The following CDC42BPB variants were observed in gnomAD, a reference collection of about 807,000 sequenced individuals.
CDC42BPB encodes the protein serine/threonine-protein kinase MRCK beta.
A neutral mutation model predicts 214.9 loss-of-function variants in CDC42BPB; 37 were observed. The observed-to-expected ratio is 0.17, with a 90% CI of 0.13 to 0.23. CDC42BPB has a LOEUF of 0.23. CDC42BPB is among the 10% of genes least tolerant of loss of function. The pLI, the probability that CDC42BPB is intolerant of heterozygous loss-of-function variation, is 1.00. For missense variants in CDC42BPB, 1,694 were observed against 2,227.0 expected (o/e 0.76, Z 4.82); for synonymous variants, 931 against 884.0 (o/e 1.05, Z -0.94).
At chr14:102,974,348 C>G (rs1893639387) in intron 11 of CDC42BPB, 199 bp from the exon 12 acceptor site, 1 of 984,182 alleles carries the variant, frequency 1.0e-6, no homozygotes, top group East Asian at 1.1e-4. Flanking sequence ...ACCTGCATGC[C>G]TGTGCTGAAC....
chr14:103,012,603 G>A (rs1382734890), intron 1 of CDC42BPB, among the ~76,000 whole-genome samples: 3 of 152,160 alleles, frequency 2.0e-5, no homozygotes, highest in Non-Finnish European at 4.4e-5. Context: ...TCAAGAGTTC[G>A]AAACCAGTCA....
intron 1 of CDC42BPB, among the ~76,000 whole-genome samples, chr14:103,032,359 A>AT (rs35561125): frequency 1.8e-4 from 27 of 151,266 alleles, no homozygotes; most frequent in East Asian, 1.4e-3. Flanking sequence ...AGAAATGCCT[A>AT]TTTTTTTTTA....
In CDC42BPB at chr14:102,944,928, G is replaced by C. The variant is rs991087055; in HGVS notation, c.3812-441C>G. On this transcript the variant is annotated intron_variant, in intron 29 of 36. Transcript: ENST00000361246. The surrounding 1 kb of genome is among the most constrained non-coding windows in gnomAD (Gnocchi z 6.6). ...TGTCCCCAACCCACTGGGACCCTGA[G>C]ACAAATCCTCTGAAGACGCTGCCCT... 6.6e-6 allele frequency among the ~76,000 whole-genome samples: 1 copy of C among 152,180 alleles called. No homozygotes were observed. The highest frequency in any genetic ancestry group is 2.4e-5 in the African/African-American group (1 of 41,444).
At chr14:102,938,266 CA>C in intron 35 of CDC42BPB, 39 bp downstream of exon 35, 1 of 1,599,796 alleles carries the variant, frequency 6.3e-7, no homozygotes, top group Non-Finnish European at 8.5e-7. Flanking sequence ...CCCTACCCCC[CA>C]CCTCCCCCAG....
chr14:102,952,648 T>TC lies in CDC42BPB; in HGVS notation c.3067-46_3067-45insG, dbSNP rs1435147545. On this transcript the variant is annotated intron_variant, in intron 23 of 36. Coordinates refer to ENST00000361246, the MANE Select transcript of CDC42BPB (RefSeq NM_006035.4). ...AACACTGAGGTGAACCATGGACTCT[T>TC]GAGAGTCAGATCCATCTGCCTGTGA... is the stretch of plus-strand genomic sequence containing the variant. 1.9e-6 allele frequency: 3 copies of TC among 1,582,296 alleles called. No homozygotes were observed. In the African/African-American group the frequency reaches 4.0e-5, roughly 21 times the overall value.
At chr14:103,045,913 T>C (rs1335879668) in intron 1 of CDC42BPB, among the ~76,000 whole-genome samples, 1 of 152,126 alleles carries the variant, frequency 6.6e-6, no homozygotes, top group Non-Finnish European at 1.5e-5. Flanking sequence ...TTAAAAAATA[T>C]TTGCTAAGTG....
chr14:102,997,767 G>C (rs1007972284), intron 5 of CDC42BPB, among the ~76,000 whole-genome samples: 1 of 152,082 alleles, frequency 6.6e-6, no homozygotes, highest in Non-Finnish European at 1.5e-5. Context: ...CAAGGCTGCT[G>C]TCATAGTTAC....
At chr14:103,016,684 C>T (rs942199063) in intron 1 of CDC42BPB, among the ~76,000 whole-genome samples, 1 of 152,012 alleles carries the variant, frequency 6.6e-6, no homozygotes, top group Non-Finnish European at 1.5e-5. Context: ...AGGAAGAAAA[C>T]GAGAATAAAC....
At chr14:102,987,300 C>T (rs35920340) in intron 5 of CDC42BPB, among the ~76,000 whole-genome samples, 5,492 of 152,326 alleles carry the variant, frequency 0.036, 329 homozygotes, top group African/African-American at 0.12. Context: ...ACTTTCTGTG[C>T]GCTCTCAAAC....
Position 102,939,962 on chromosome 14 carries a change from C to G in CDC42BPB, c.4592-15G>C. On this transcript the variant is annotated splice_polypyrimidine_tract_variant and intron_variant, in intron 32 of 36. Transcript: ENST00000361246. ...GAGAACCGCTCCTGCAGAAGCAGAG[C>G]GCGCGGTGACGGTGCTGCGGCACCA... The G allele has an allele frequency of 6.2e-7, 1 of 1,613,738 alleles. No homozygotes were observed. The highest frequency in any genetic ancestry group is 8.5e-7 in the Non-Finnish European group (1 of 1,179,950).
In CDC42BPB at chr14:102,944,441, A is replaced by G. The variant is rs767188421; in HGVS notation, c.3858T>C (p.Leu1286=). 1 of 1,612,980 alleles carries G rather than the reference A, an allele frequency of 6.2e-7. No homozygotes were observed. The highest frequency in any genetic ancestry group is 1.1e-5 in the South Asian group (1 of 91,084). The stretch of plus-strand genomic sequence containing the variant: ...GGATTACGATCTTCTCCCTGGGAGC[A>G]AGCTCGATCTGGTGTACCTTCTTAC... ...ADCKKVHQIE[L]APREKIVILL... Residue 1286 remains leucine, a synonymous_variant, in exon 30 of 37, where the codon CTT becomes CTC. Coordinates refer to ENST00000361246, the MANE Select transcript of CDC42BPB (RefSeq NM_006035.4). This position sits in a 1 kb window ranked among gnomAD's most constrained non-coding sequence, Gnocchi z 6.6.
At chr14:102,978,229 A>C in intron 8 of CDC42BPB, 24 bp from the exon 9 acceptor site, 3 of 1,607,638 alleles carry the variant, frequency 1.9e-6, no homozygotes, top group Non-Finnish European at 2.6e-6. Context: ...TATACAACAC[A>C]AATGAAATCT....
intron 4 of CDC42BPB, 100 bp downstream of exon 4, chr14:103,003,828 A>G: frequency 1.1e-6 from 1 of 898,644 alleles, no homozygotes; most frequent in South Asian, 1.8e-5. Flanking sequence ...CACATTTTTT[A>G]AATGTCAGTT....
intron 21 of CDC42BPB, chr14:102,954,974 AT>A (rs931099496): frequency 6.5e-5 from 12 of 183,302 alleles, no homozygotes; most frequent in Admixed American, 2.0e-4. Flanking sequence ...TGAGGTGAGA[AT>A]TTGCCTGGAG....
At chr14:102,993,012 T>A (rs898570385) in intron 5 of CDC42BPB, among the ~76,000 whole-genome samples, 3 of 151,874 alleles carry the variant, frequency 2.0e-5, no homozygotes, top group African/African-American at 7.3e-5. Flanking sequence ...GTATTTTTAG[T>A]AGAGACAGGG....
In CDC42BPB at chr14:103,048,532, C is replaced by A. The variant is rs866656225; in HGVS notation, c.175+8467G>T. On this transcript the variant is annotated intron_variant, in intron 1 of 36. Transcript: ENST00000361246. ...TGAAACCCTGTTTCTACTAAAAATA[C>A]AAAAAAAAAAAAAAAAAAAAAAAAA... 8.6e-3 allele frequency among the ~76,000 whole-genome samples: 366 copies of A among 42,620 alleles called. 1 individual carries two copies. The highest frequency in any genetic ancestry group is 0.012 in the Non-Finnish European group (290 of 24,712). The allele number at this position is 42,620 out of a possible 152,430, so 28.0% of individuals were successfully genotyped here.
At chr14:102,996,290 AGAT>A (rs1894730807) in intron 5 of CDC42BPB, among the ~76,000 whole-genome samples, 1 of 152,106 alleles carries the variant, frequency 6.6e-6, no homozygotes, top group Admixed American at 6.6e-5. Context: ...CAGTGAGCTG[AGAT>A]GATGCCACTG....
intron 26 of CDC42BPB, among the ~76,000 whole-genome samples, chr14:102,949,179 C>T (rs1239336430): frequency 6.6e-6 from 1 of 152,228 alleles, no homozygotes; most frequent in East Asian, 1.9e-4. Flanking sequence ...TTCACAACAA[C>T]ATTCCACATG....
intron 14 of CDC42BPB, 168 bp from the exon 15 acceptor site, chr14:102,968,884 AGG>A: frequency 1.0e-6 from 1 of 985,428 alleles, no homozygotes; most frequent in African/African-American, 1.7e-5. Context: ...TCCAGGTTCT[AGG>A]GGGTCACAGC....
Sources: allele counts gnomAD v4.1 joint callset (sites outside exome capture counted in the v4.1 genomes callset), GRCh38; gene constraint gnomAD v4.1.1; non-coding constraint Gnocchi (gnomAD v3.1); transcripts MANE v1.5; gene names NCBI Gene and HGNC (gene_info 2026-07-23, HGNC 2026-07-21).